The following GABRB2 variants were observed in gnomAD, a reference collection of about 807,000 sequenced individuals.
The protein encoded by GABRB2 is gamma-aminobutyric acid type A receptor subunit beta2.
Under a neutral mutation model 54.7 loss-of-function variants are expected in GABRB2, and 16 were observed. That is an observed-to-expected ratio of 0.29 (90% CI 0.20 to 0.44). The LOEUF (loss-of-function observed/expected upper bound fraction) is 0.44. Among genes scored for constraint, GABRB2 ranks in the 20% least tolerant of loss-of-function variants. The pLI, the probability that GABRB2 is intolerant of heterozygous loss-of-function variation, is 1.00. For missense variants in GABRB2, 355 were observed against 644.0 expected (o/e 0.55, Z 4.86); for synonymous variants, 244 against 233.8 (o/e 1.04, Z -0.40).
chr5:161,448,594 A>G (rs1428406334), intron 4 of GABRB2, among the ~76,000 whole-genome samples: 2 of 152,140 alleles, frequency 1.3e-5, no homozygotes, highest in Non-Finnish European at 2.9e-5. Flanking sequence ...CTGAGGGTTA[A>G]TCTAATCTTT....
chr5:161,291,142 T>A lies in GABRB2; in HGVS notation c.*2939A>T, dbSNP rs2113327922. ...TACTAGCGGTCATGTACAATATATATATATACAGATTGAGATCAAAGATTT... is the reference window on the plus strand; with the variant it reads ...TACTAGCGGTCATGTACAATATATAAATATACAGATTGAGATCAAAGATTT... On this transcript the variant is annotated 3_prime_UTR_variant, in exon 10 of 10. Transcript: ENST00000393959. 6.6e-6 allele frequency: 1 copy of A among 152,666 alleles called. No individual in the cohort carries two copies. Among genetic ancestry groups the A allele is most frequent in the African/African-American group, 2.4e-5 (1 of 41,566 alleles). The allele number at this position is 152,666 out of a possible 1,614,324, so 9.5% of individuals were successfully genotyped here.
intron 2 of GABRB2, among the ~76,000 whole-genome samples, chr5:161,545,630 A>C (rs1055636518): frequency 6.6e-6 from 1 of 151,886 alleles, no homozygotes; most frequent in Admixed American, 6.6e-5. Context: ...TTTTGCGCTG[A>C]AACCCCCTCC....
chr5:161,499,410 A>C (rs1279774105), intron 3 of GABRB2, among the ~76,000 whole-genome samples: 1 of 152,120 alleles, frequency 6.6e-6, no homozygotes, highest in Non-Finnish European at 1.5e-5. Context: ...TCTAACATAA[A>C]GACTAGCTAA....
At chr5:161,456,151 C>T (rs940735086) in intron 4 of GABRB2, among the ~76,000 whole-genome samples, 1 of 152,152 alleles carries the variant, frequency 6.6e-6, no homozygotes, top group South Asian at 2.1e-4. Context: ...TTGGTCACTG[C>T]CTTGATATTT....
intron 4 of GABRB2, among the ~76,000 whole-genome samples, chr5:161,427,865 G>A (rs1757047814): frequency 6.6e-6 from 1 of 152,166 alleles, no homozygotes; most frequent in Non-Finnish European, 1.5e-5. Context: ...AGTGTTCACA[G>A]TAGTTAAGGC....
chr5:161,541,611 A>G (rs890780906), intron 3 of GABRB2, among the ~76,000 whole-genome samples: 2 of 152,242 alleles, frequency 1.3e-5, no homozygotes, highest in African/African-American at 4.8e-5. Context: ...GCTTGTTTCC[A>G]TAAACATCCT....
chr5:161,470,779 C>T (rs1032384779), intron 3 of GABRB2, among the ~76,000 whole-genome samples: 2 of 151,836 alleles, frequency 1.3e-5, no homozygotes, highest in Non-Finnish European at 2.9e-5. Flanking sequence ...GGTTGACCAC[C>T]GGTAACTTAA....
chr5:161,339,776 G>A (rs915691374), intron 5 of GABRB2, among the ~76,000 whole-genome samples: 1 of 151,932 alleles, frequency 6.6e-6, no homozygotes, highest in Non-Finnish European at 1.5e-5. Context: ...TCTCATCGTT[G>A]AGAAAACTAA....
chr5:161,389,871 A>G (rs1755765385), intron 5 of GABRB2, among the ~76,000 whole-genome samples: 1 of 151,916 alleles, frequency 6.6e-6, no homozygotes, highest in African/African-American at 2.4e-5. Flanking sequence ...TGGCTTTTGG[A>G]GTCAGAAATT....
intron 9 of GABRB2, among the ~76,000 whole-genome samples, chr5:161,322,645 A>G (rs1021586151): frequency 3.3e-5 from 5 of 152,070 alleles, no homozygotes; most frequent in South Asian, 4.1e-4. Context: ...AAGGTTCTGC[A>G]TGGTTAATCC....
chr5:161,411,366 ACT>A (rs1209357432), intron 4 of GABRB2, among the ~76,000 whole-genome samples: 1 of 152,008 alleles, frequency 6.6e-6, no homozygotes, highest in Non-Finnish European at 1.5e-5. Flanking sequence ...TGGTGCCAAG[ACT>A]CTATTTCACA....
At chr5:161,439,492 A>G (rs1312528000) in intron 4 of GABRB2, among the ~76,000 whole-genome samples, 1 of 152,212 alleles carries the variant, frequency 6.6e-6, no homozygotes, top group Non-Finnish European at 1.5e-5. Context: ...AAGTACAAAG[A>G]AAAACACAGA....
chr5:161,410,424 T>A (rs905691593), intron 5 of GABRB2, among the ~76,000 whole-genome samples: 21 of 137,062 alleles, frequency 1.5e-4, no homozygotes, highest in African/African-American at 5.5e-4. Context: ...ACACACACAC[T>A]CACAATCTTG....
chr5:161,386,686 G>A (rs1401822229), intron 5 of GABRB2, among the ~76,000 whole-genome samples: 1 of 151,986 alleles, frequency 6.6e-6, no homozygotes, highest in Non-Finnish European at 1.5e-5. Flanking sequence ...TGGGACTACA[G>A]GCGTGCTACC....
At chr5:161,484,027 T>C (rs1266626147) in intron 3 of GABRB2, among the ~76,000 whole-genome samples, 1 of 151,778 alleles carries the variant, frequency 6.6e-6, no homozygotes, top group Non-Finnish European at 1.5e-5. Flanking sequence ...TGTTGTGGCT[T>C]GAGAAAATGC....
intron 5 of GABRB2, among the ~76,000 whole-genome samples, chr5:161,401,871 G>A (rs931904259): frequency 2.0e-5 from 3 of 152,030 alleles, no homozygotes; most frequent in Non-Finnish European, 4.4e-5. Context: ...AGTGTATTCA[G>A]CAGACTTTTC....
chr5:161,402,889 T>A (rs1434795264), intron 5 of GABRB2, among the ~76,000 whole-genome samples: 2 of 152,170 alleles, frequency 1.3e-5, no homozygotes, highest in African/African-American at 4.8e-5. Flanking sequence ...TTCATTATAG[T>A]CACCTGAAGA....
chr5:161,315,177 G>A (rs1018835541), intron 9 of GABRB2, among the ~76,000 whole-genome samples: 2 of 152,096 alleles, frequency 1.3e-5, no homozygotes, highest in Non-Finnish European at 2.9e-5. Context: ...ATTATATTTG[G>A]TTTAGTGCTG....
chr5:161,544,968 G>C (rs952063944), intron 3 of GABRB2, among the ~76,000 whole-genome samples: 18 of 152,090 alleles, frequency 1.2e-4, no homozygotes, highest in Non-Finnish European at 7.4e-5. Flanking sequence ...GGGGTCTCCT[G>C]CACGTGGTTG....
Sources: gnomAD v4.1 joint callset for allele counts (sites outside exome capture counted in the v4.1 genomes callset) on GRCh38, gnomAD v4.1.1 for gene constraint, MANE v1.5 for transcripts, NCBI Gene and HGNC (gene_info 2026-07-23, HGNC 2026-07-21) for gene names.